The following AKAP19 variants were observed in gnomAD, a reference collection of about 807,000 sequenced individuals.
The protein encoded by AKAP19 is small A-kinase anchoring protein.
At chr2:189,974,578 G>C in the AKAP19 span, among the ~76,000 whole-genome samples, 1 of 152,134 alleles carries the variant, frequency 6.6e-6, no homozygotes, top group Non-Finnish European at 1.5e-5. Flanking sequence ...TAGCAGTGGG[G>C]TGTTAAAGTC....
At chr2:189,956,239 G>A in the AKAP19 span, among the ~76,000 whole-genome samples, 5 of 141,558 alleles carry the variant, frequency 3.5e-5, no homozygotes, top group African/African-American at 1.1e-4. Context: ...GCGGGATCTC[G>A]GCTCACTGCA....
At chr2:189,947,227 AAAG>A in the AKAP19 span, among the ~76,000 whole-genome samples, 1 of 152,204 alleles carries the variant, frequency 6.6e-6, no homozygotes, top group African/African-American at 2.4e-5. Flanking sequence ...CTAGTAACAG[AAAG>A]AAGATCAGTT....
At chr2:190,194,103 T>C in the AKAP19 span, among the ~76,000 whole-genome samples, 1 of 152,204 alleles carries the variant, frequency 6.6e-6, no homozygotes, top group Non-Finnish European at 1.5e-5. Context: ...TTTTACTCTC[T>C]GGGGTGGTTA....
At chr2:189,912,102 AC>A in the AKAP19 span, among the ~76,000 whole-genome samples, 1 of 152,072 alleles carries the variant, frequency 6.6e-6, no homozygotes, top group Non-Finnish European at 1.5e-5. Context: ...GGTATACCAC[AC>A]AGCATGTACA....
chr2:190,150,959 T>A, the AKAP19 span, among the ~76,000 whole-genome samples: 1 of 152,140 alleles, frequency 6.6e-6, no homozygotes, highest in African/African-American at 2.4e-5. Context: ...ATTTTTTTAG[T>A]GGATATTTGT....
the AKAP19 span, among the ~76,000 whole-genome samples, chr2:189,955,995 A>G: frequency 2.6e-5 from 4 of 152,054 alleles, no homozygotes; most frequent in African/African-American, 7.2e-5. Flanking sequence ...AAAAATTGTA[A>G]GTTTTATGTT....
At chr2:190,062,475 G>A in the AKAP19 span, 2 of 1,613,556 alleles carry the variant, frequency 1.2e-6, no homozygotes, top group Non-Finnish European at 1.7e-6. Context: ...CCAAGTACAT[G>A]CATTACACAG....
the AKAP19 span, among the ~76,000 whole-genome samples, chr2:190,116,970 A>G: frequency 6.6e-6 from 1 of 152,226 alleles, no homozygotes; most frequent in African/African-American, 2.4e-5. Flanking sequence ...GTATGAAGGT[A>G]TGGTGTCAGA....
the AKAP19 span, among the ~76,000 whole-genome samples, chr2:190,146,185 A>G: frequency 6.6e-6 from 1 of 151,982 alleles, no homozygotes; most frequent in Non-Finnish European, 1.5e-5. Flanking sequence ...CCCAAAGTCC[A>G]TTGTATCATT....
the AKAP19 span, among the ~76,000 whole-genome samples, chr2:190,160,701 A>AT: frequency 1.9e-4 from 21 of 112,734 alleles, no homozygotes; most frequent in East Asian, 6.2e-4. Context: ...TCAATTTGCG[A>AT]TTTTTTTTTA....
At chr2:190,031,131 T>C in the AKAP19 span, among the ~76,000 whole-genome samples, 1 of 152,024 alleles carries the variant, frequency 6.6e-6, no homozygotes, top group African/African-American at 2.4e-5. Context: ...GACAGGAGGA[T>C]GGGTACTTTA....
the AKAP19 span, among the ~76,000 whole-genome samples, chr2:190,049,559 T>C: frequency 1.3e-5 from 2 of 152,246 alleles, no homozygotes; most frequent in Admixed American, 6.5e-5. Flanking sequence ...TCAATATACC[T>C]GGACGTTGTC....
the AKAP19 span, among the ~76,000 whole-genome samples, chr2:190,178,875 G>A: frequency 6.6e-5 from 10 of 152,272 alleles, no homozygotes; most frequent in East Asian, 1.2e-3. This position sits in a 1 kb window ranked among gnomAD's most constrained non-coding sequence, Gnocchi z 6.3. Flanking sequence ...ATCACATCAA[G>A]AACTGACGCC....
the AKAP19 span, among the ~76,000 whole-genome samples, chr2:190,198,766 T>C: frequency 1.3e-5 from 2 of 152,172 alleles, no homozygotes; most frequent in African/African-American, 4.8e-5. Flanking sequence ...CTGTGCTTCT[T>C]ACACTCAGTC....
the AKAP19 span, among the ~76,000 whole-genome samples, chr2:190,111,109 C>A: frequency 1.3e-5 from 2 of 152,112 alleles, no homozygotes; most frequent in Non-Finnish European, 2.9e-5. Flanking sequence ...ACAGAGCCCC[C>A]CCAGAGCACA....
the AKAP19 span, among the ~76,000 whole-genome samples, chr2:190,160,764 A>G: frequency 3.3e-5 from 5 of 152,134 alleles, no homozygotes; most frequent in Admixed American, 6.5e-5. Flanking sequence ...TTAACTATAA[A>G]AGGATTTCAG....
chr2:189,929,941 C>T, the AKAP19 span, among the ~76,000 whole-genome samples: 1 of 152,118 alleles, frequency 6.6e-6, no homozygotes, highest in Non-Finnish European at 1.5e-5. Context: ...CTATCTTTTG[C>T]TTATCTTCAG....
At chr2:190,081,583 T>A in the AKAP19 span, among the ~76,000 whole-genome samples, 18 of 152,316 alleles carry the variant, frequency 1.2e-4, no homozygotes, top group African/African-American at 4.3e-4. Context: ...TACATGAGCA[T>A]GTTAGTCAAT....
At chr2:190,186,835 T>A in the AKAP19 span, among the ~76,000 whole-genome samples, 6 of 152,212 alleles carry the variant, frequency 3.9e-5, no homozygotes, top group African/African-American at 1.4e-4. This position sits in a 1 kb window ranked among gnomAD's most constrained non-coding sequence, Gnocchi z 5.5. Flanking sequence ...GTATTTTTTA[T>A]AAACTTATTT....
Sources: gnomAD v4.1 joint callset for allele counts (sites outside exome capture counted in the v4.1 genomes callset) on GRCh38, gnomAD v4.1.1 for gene constraint, Gnocchi (gnomAD v3.1) non-coding constraint, MANE v1.5 for transcripts, NCBI Gene and HGNC (gene_info 2026-07-23, HGNC 2026-07-21) for gene names.